Variants in WDR20 observed in about 807,000 individuals in gnomAD.
WDR20 encodes the protein WD repeat-containing protein 20.
WDR20 carries 3 observed loss-of-function variants against 38.7 expected under a neutral mutation model. The observed-to-expected ratio is 0.08, with a 90% CI of 0.04 to 0.20. The LOEUF (loss-of-function observed/expected upper bound fraction) is 0.20. Among genes scored for constraint, WDR20 ranks in the 10% least tolerant of loss-of-function variants. The pLI is 1.00. For synonymous variants in WDR20, 298 were observed against 285.6 expected, an observed-to-expected ratio of 1.04 and a Z score of -0.44; for missense variants, 559 against 727.7, an observed-to-expected ratio of 0.77 and a Z score of 2.67.
chr14:102,160,146 C>T (rs955925960), intron 1 of WDR20, among the ~76,000 whole-genome samples: 3 of 146,400 alleles, frequency 2.0e-5, no homozygotes, highest in Admixed American at 2.0e-4. Flanking sequence ...ATTATTTCTT[C>T]TTGCTATCTG....
downstream of WDR20, among the ~76,000 whole-genome samples, chr14:102,216,686 T>C (rs933542722): frequency 6.6e-5 from 10 of 152,176 alleles, no homozygotes; most frequent in Admixed American, 6.5e-4. Context: ...TCCCAGCACT[T>C]TGGGAGGCCG....
chr14:102,172,827 G>C (rs1476468777), intron 1 of WDR20, among the ~76,000 whole-genome samples: 1 of 147,826 alleles, frequency 6.8e-6, no homozygotes, highest in East Asian at 2.0e-4. Flanking sequence ...GGCGGCTGCC[G>C]GGCGGAGGGT....
Position 102,148,488 on chromosome 14 carries a change from G to A in WDR20, c.249+8316G>A, listed in dbSNP as rs1262922424. On this transcript the variant is annotated intron_variant, in intron 1 of 2. Coordinates refer to ENST00000342702, the MANE Select transcript of WDR20 (RefSeq NM_144574.4). The stretch of plus-strand genomic sequence containing the variant: ...CTGGGAGGTTGAGGCTGCAGTGAGC[G>A]GAAATTGTGCCACTGGACTCCAGCC... Among the ~76,000 whole-genome samples the A allele has an allele frequency of 2.6e-5, 4 of 151,304 alleles. No homozygotes were observed. In the East Asian group the frequency reaches 5.8e-4, roughly 22 times the overall value.
At chr14:102,139,826 A>T, upstream of WDR20, 2 of 1,528,294 alleles carry the variant, frequency 1.3e-6, no homozygotes, top group Non-Finnish European at 1.8e-6. Flanking sequence ...GGCGAGAAGG[A>T]AGAGGCAGGG....
At chr14:102,178,677 C>A (rs568847520) in intron 1 of WDR20, among the ~76,000 whole-genome samples, 11 of 151,868 alleles carry the variant, frequency 7.2e-5, no homozygotes, top group African/African-American at 2.7e-4. Context: ...GTTTGAGAAC[C>A]ACTGCCTTAT....
intron 1 of WDR20, among the ~76,000 whole-genome samples, chr14:102,179,163 T>A (rs2062823282): frequency 6.6e-6 from 1 of 152,122 alleles, no homozygotes; most frequent in Admixed American, 6.6e-5. Context: ...CCTCATATAC[T>A]TAACCCACCC....
intron 1 of WDR20, among the ~76,000 whole-genome samples, chr14:102,184,195 C>T (rs1231938946): frequency 5.9e-5 from 9 of 152,304 alleles, no homozygotes; most frequent in Non-Finnish European, 5.9e-5. Context: ...CATAGCTTTT[C>T]TTTAATGAAG....
At chr14:102,213,205 C>T, downstream of WDR20, 1 of 985,458 alleles carries the variant, frequency 1.0e-6, no homozygotes, top group South Asian at 4.7e-5. Context: ...GCCCTGGAGC[C>T]TTTCTCTGAG....
At position 102,222,965 on chromosome 14, in the gene WDR20, C is replaced by T. The variant is rs566440013; in HGVS notation, c.*82C>T. ...GAGGAGCTCCGAGCTGCGCCTGAGC[C>T]GTGCCAGCCGGCGGACCTCAGGCGG... is the stretch of plus-strand genomic sequence containing the variant. On this transcript the variant is annotated 3_prime_UTR_variant, in exon 4 of 4. Coordinates refer to the WDR20 transcript ENST00000335263. This position sits in a 1 kb window ranked among gnomAD's most constrained non-coding sequence, Gnocchi z 4.4. The T allele has an allele frequency of 2.6e-4, 406 of 1,563,194 alleles. 1 individual carries two copies. The highest frequency in any genetic ancestry group is 2.6e-3 in the African/African-American group (192 of 74,006).
intron 1 of WDR20, among the ~76,000 whole-genome samples, chr14:102,170,453 T>G (rs1231279331): frequency 2.0e-5 from 3 of 152,198 alleles, no homozygotes; most frequent in Non-Finnish European, 2.9e-5. Flanking sequence ...CATAGTGTAT[T>G]GTTATTTTGA....
chr14:102,154,200 G>T (rs149899289), intron 1 of WDR20, among the ~76,000 whole-genome samples: 2 of 152,148 alleles, frequency 1.3e-5, no homozygotes, highest in Non-Finnish European at 1.5e-5. Context: ...ACTTACTACT[G>T]GTTGTCTTAG....
In WDR20 at chr14:102,209,263, G is replaced by A. The variant is rs918797411; in HGVS notation, c.1093G>A (p.Val365Ile). 6.2e-7 allele frequency: 1 copy of A among 1,614,058 alleles called. No individual in the cohort carries two copies. The highest frequency in any genetic ancestry group is 8.5e-7 in the Non-Finnish European group (1 of 1,180,046). ...CTCTACAGACAGCCGCCCCGTAAGT[G>A]TCACGTATCGGTTTGGTTCCGTGGG... ...RNSTDSRPVSVTYRFGSVGQD... is the reference protein window; with the variant it reads ...RNSTDSRPVSITYRFGSVGQD... Residue 365 changes from valine (V) to isoleucine (I), a missense_variant, in exon 3 of 3, where the codon GTC becomes ATC. Val to Ile is a conservative substitution (Grantham distance 29, BLOSUM62 3). Transcript: ENST00000342702. The surrounding 1 kb of genome is among the most constrained non-coding windows in gnomAD (Gnocchi z 6.0).
In WDR20 at chr14:102,208,935, C is replaced by T. The variant is rs2062044658; in HGVS notation, c.765C>T (p.His255=). The change falls in exon 3 of 3, where the codon CAC becomes CAT. Residue 255 remains histidine (H), a synonymous_variant. Transcript: ENST00000342702. This position sits in a 1 kb window ranked among gnomAD's most constrained non-coding sequence, Gnocchi z 5.6. The part of the protein sequence containing the change: ...RVFNFDSVEL[H]GTMKSYFGGL... ...TCAACTTTGACTCAGTGGAGCTGCA[C>T]GGTACGATGAAAAGCTACTTTGGGG... is the stretch of plus-strand genomic sequence containing the variant. 13 of 1,614,190 alleles carry T rather than the reference C, an allele frequency of 8.1e-6. No homozygotes were observed. The highest frequency in any genetic ancestry group is 1.1e-5 in the Non-Finnish European group (13 of 1,180,042).
At chr14:102,224,639 A>G, downstream of WDR20, 1 of 456,024 alleles carries the variant, frequency 2.2e-6, no homozygotes, top group South Asian at 1.5e-5. Flanking sequence ...CACCATTTGT[A>G]TGAATGCAGC....
intron 1 of WDR20, among the ~76,000 whole-genome samples, chr14:102,182,500 A>G (rs1259494689): frequency 6.6e-6 from 1 of 152,156 alleles, no homozygotes; most frequent in Non-Finnish European, 1.5e-5. Flanking sequence ...TTTGGAATAT[A>G]TTATCATCTG....
chr14:102,162,355 C>T (rs1034258318), intron 1 of WDR20, among the ~76,000 whole-genome samples: 2 of 152,098 alleles, frequency 1.3e-5, no homozygotes, highest in Non-Finnish European at 2.9e-5. Flanking sequence ...CACCTTTTCA[C>T]ACAATATTGG....
chr14:102,209,263 G>T lies in WDR20; in HGVS notation c.1093G>T (p.Val365Phe). The change falls in exon 3 of 3, where the codon GTC becomes TTC. Residue 365 changes from valine (V) to phenylalanine (F), a missense_variant. By Grantham distance (50) the Val-to-Phe change is conservative (BLOSUM62 -1). Coordinates refer to ENST00000342702, the MANE Select transcript of WDR20 (RefSeq NM_144574.4). This position sits in a 1 kb window ranked among gnomAD's most constrained non-coding sequence, Gnocchi z 6.0. ...CTCTACAGACAGCCGCCCCGTAAGT[G>T]TCACGTATCGGTTTGGTTCCGTGGG... Reference protein sequence around the residue: ...RNSTDSRPVSVTYRFGSVGQD... With the variant: ...RNSTDSRPVSFTYRFGSVGQD... 1.2e-6 allele frequency: 2 copies of T among 1,614,176 alleles called. No homozygotes were observed. The highest frequency in any genetic ancestry group is 1.7e-6 in the Non-Finnish European group (2 of 1,180,038).
chr14:102,194,455 T>C (rs1395708890), intron 1 of WDR20, among the ~76,000 whole-genome samples: 1 of 152,176 alleles, frequency 6.6e-6, no homozygotes, highest in Non-Finnish European at 1.5e-5. Context: ...ATTTTTGCAT[T>C]TCTAAGTTCC....
chr14:102,220,268 G>A lies in WDR20; in HGVS notation c.1693-2562G>A, dbSNP rs765121137. On this transcript the variant is annotated intron_variant, in intron 3 of 3. Coordinates refer to the WDR20 transcript ENST00000335263. The surrounding 1 kb of genome is among the most constrained non-coding windows in gnomAD (Gnocchi z 4.2). ...AGGAAGGGTGCTGTCCCTCATGGCC[G>A]TCAGAAGCCACCTGCAGCCACTAAG... Among the ~76,000 whole-genome samples, 7 of 152,190 alleles carry A rather than the reference G, an allele frequency of 4.6e-5. No homozygotes were observed. Among genetic ancestry groups the A allele is most frequent in the African/African-American group, 9.6e-5 (4 of 41,452 alleles).
Sources: allele counts gnomAD v4.1 joint callset (sites outside exome capture counted in the v4.1 genomes callset), GRCh38; gene constraint gnomAD v4.1.1; non-coding constraint Gnocchi (gnomAD v3.1); transcripts MANE v1.5; gene names NCBI Gene and HGNC (gene_info 2026-07-23, HGNC 2026-07-21).